Variants in BMPR1A observed in about 807,000 individuals in gnomAD.
BMPR1A encodes the protein bone morphogenetic protein receptor type-1A.
Under a neutral mutation model 66.0 loss-of-function variants are expected in BMPR1A, and 7 were observed. The observed-to-expected ratio is 0.11, with a 90% CI of 0.06 to 0.20. The LOEUF is 0.20. Among genes scored for constraint, BMPR1A ranks in the 10% least tolerant of loss-of-function variants. The probability of loss-of-function intolerance (pLI) is 1.00; values close to 1 mark genes in which losing one functional copy is unlikely to be tolerated. For synonymous variants in BMPR1A, 200 were observed against 229.7 expected (o/e 0.87, Z 1.17); for missense variants, 408 against 669.1 (o/e 0.61, Z 4.31).
intron 1 of BMPR1A, among the ~76,000 whole-genome samples, chr10:86,763,765 A>C (rs1301649582): frequency 6.6e-6 from 1 of 151,382 alleles, no homozygotes; most frequent in African/African-American, 2.4e-5. Context: ...TGAAGGTGAG[A>C]AATCTGTAGG....
At chr10:86,922,175 T>C (rs1843674963) in intron 11 of BMPR1A, among the ~76,000 whole-genome samples, 1 of 152,200 alleles carries the variant, frequency 6.6e-6, no homozygotes. Flanking sequence ...TGTGCCTGGC[T>C]TATTTTACTT....
chr10:86,835,267 A>G (rs1842325193), intron 1 of BMPR1A, among the ~76,000 whole-genome samples: 1 of 148,854 alleles, frequency 6.7e-6, no homozygotes, highest in Non-Finnish European at 1.5e-5. Flanking sequence ...AAAAAAACAG[A>G]AAAAAAACAA....
intron 7 of BMPR1A, among the ~76,000 whole-genome samples, chr10:86,905,733 T>C (rs1843375911): frequency 6.6e-6 from 1 of 151,872 alleles, no homozygotes; most frequent in African/African-American, 2.4e-5. Context: ...TTATCCTCAT[T>C]GTCTTTAGGG....
chr10:86,900,144 T>C lies in BMPR1A; in HGVS notation c.530+18T>C, dbSNP rs1236856622. 6.2e-7 allele frequency: 1 copy of C among 1,609,828 alleles called. No homozygotes were observed. The highest frequency in any genetic ancestry group is 1.3e-5 in the African/African-American group (1 of 75,002). ...TGTTACAAGTAAGAAGATATTTATT[T>C]TGAAGCAAAATATTTTGTCAAATAT... On this transcript the variant is annotated intron_variant, in intron 7 of 12. Transcript: ENST00000372037.
chr10:86,780,058 C>A (rs1302640629), intron 1 of BMPR1A, among the ~76,000 whole-genome samples: 1 of 152,150 alleles, frequency 6.6e-6, no homozygotes, highest in East Asian at 1.9e-4. Flanking sequence ...GCATGAGCCC[C>A]TGGTAATAGC....
intron 7 of BMPR1A, among the ~76,000 whole-genome samples, chr10:86,908,685 G>A (rs1236420786): frequency 6.6e-6 from 1 of 152,156 alleles, no homozygotes; most frequent in African/African-American, 2.4e-5. Flanking sequence ...GAGGTCATCT[G>A]CTGTTGCGTG....
chr10:86,770,279 G>A (rs1841233739), intron 1 of BMPR1A, among the ~76,000 whole-genome samples: 1 of 152,174 alleles, frequency 6.6e-6, no homozygotes, highest in South Asian at 2.1e-4. Context: ...TGACAGTGAG[G>A]CCCTGTGTCA....
chr10:86,763,747 C>G (rs1315728855), intron 1 of BMPR1A, among the ~76,000 whole-genome samples: 1 of 149,332 alleles, frequency 6.7e-6, no homozygotes, highest in Non-Finnish European at 1.5e-5. Context: ...AAGATAGACT[C>G]TCAATTTTGA....
chr10:86,884,417 TTTTTTTTTTTTTTTG>T, intron 3 of BMPR1A, among the ~76,000 whole-genome samples: 1 of 103,926 alleles, frequency 9.6e-6, no homozygotes, highest in African/African-American at 4.3e-5. Flanking sequence ...TTTTTTTTTT[TTTTTTTTTTTTTTTG>T]AGATGGAGTC....
chr10:86,786,692 G>T (rs1349855953), intron 1 of BMPR1A, among the ~76,000 whole-genome samples: 1 of 152,122 alleles, frequency 6.6e-6, no homozygotes, highest in Non-Finnish European at 1.5e-5. Context: ...AAAGTTTGAC[G>T]GAAGTCCAAA....
At chr10:86,787,335 A>G (rs1841531628) in intron 1 of BMPR1A, among the ~76,000 whole-genome samples, 1 of 152,274 alleles carries the variant, frequency 6.6e-6, no homozygotes, top group African/African-American at 2.4e-5. Flanking sequence ...CATAGTAAAA[A>G]GCAATAAAGT....
At chr10:86,758,940 A>G (rs1289692965) in intron 1 of BMPR1A, among the ~76,000 whole-genome samples, 1 of 152,254 alleles carries the variant, frequency 6.6e-6, no homozygotes, top group African/African-American at 2.4e-5. Flanking sequence ...ACAGGGTCCA[A>G]GGCAGTAAGA....
intron 9 of BMPR1A, 91 bp from the exon 10 acceptor site, chr10:86,919,081 C>A: frequency 7.0e-7 from 1 of 1,438,226 alleles, no homozygotes; most frequent in Non-Finnish European, 9.8e-7. Context: ...GCACATGATA[C>A]CTAAGTTTTT....
chr10:86,892,246 G>T lies in BMPR1A; in HGVS notation c.333+17G>T. 1 of 1,596,284 alleles carries T rather than the reference G, an allele frequency of 6.3e-7. No individual in the cohort carries two copies. Among genetic ancestry groups the T allele is most frequent in the Non-Finnish European group, 8.6e-7 (1 of 1,164,264 alleles). Reference sequence around the variant, plus strand: ...CAGTGCAAAGTAAGATATAATTTGGGACCCATGAGACAAAGAAGGGAGGGG... The same window carrying T: ...CAGTGCAAAGTAAGATATAATTTGGTACCCATGAGACAAAGAAGGGAGGGG... On this transcript the variant is annotated intron_variant, in intron 5 of 12. Transcript: ENST00000372037.
At chr10:86,908,778 G>A (rs2133518338) in intron 7 of BMPR1A, among the ~76,000 whole-genome samples, 1 of 152,212 alleles carries the variant, frequency 6.6e-6, no homozygotes, top group Non-Finnish European at 1.5e-5. Flanking sequence ...AGACCTTAAG[G>A]GTGCAGCTTC....
chr10:86,922,524 G>A (rs190330083), intron 11 of BMPR1A, among the ~76,000 whole-genome samples: 31 of 152,324 alleles, frequency 2.0e-4, no homozygotes, highest in African/African-American at 7.2e-4. Context: ...ACAGGACTCG[G>A]CATGTGGTTG....
At chr10:86,788,993 T>C (rs1010843005) in intron 1 of BMPR1A, among the ~76,000 whole-genome samples, 3 of 152,180 alleles carry the variant, frequency 2.0e-5, no homozygotes, top group African/African-American at 7.2e-5. Flanking sequence ...CTTACCATGA[T>C]GCACTTGCCT....
chr10:86,799,447 A>T (rs895190887), intron 1 of BMPR1A, among the ~76,000 whole-genome samples: 39 of 148,712 alleles, frequency 2.6e-4, no homozygotes, highest in African/African-American at 9.1e-4. Context: ...GAGTAATTGT[A>T]CATTTTCTTT....
intron 2 of BMPR1A, among the ~76,000 whole-genome samples, chr10:86,859,788 C>T (rs1347403594): frequency 2.0e-5 from 3 of 151,960 alleles, no homozygotes; most frequent in East Asian, 1.9e-4. Flanking sequence ...CCAGCCTGGG[C>T]GACAGAGTGA....
Sources: allele counts gnomAD v4.1 joint callset (sites outside exome capture counted in the v4.1 genomes callset), GRCh38; gene constraint gnomAD v4.1.1; transcripts MANE v1.5; gene names NCBI Gene and HGNC (gene_info 2026-07-23, HGNC 2026-07-21).